Variants in TGFBR3 observed in about 807,000 individuals in gnomAD.
TGFBR3 encodes transforming growth factor beta receptor type 3.
In TGFBR3, 46 loss-of-function variants were observed where a neutral mutation model predicts 87.9. That is an observed-to-expected ratio of 0.52 (90% confidence interval 0.41 to 0.67). The LOEUF is 0.67. Among genes scored for constraint, TGFBR3 ranks in the 30% least tolerant of loss-of-function variants. TGFBR3 has a pLI of 0.00. For missense variants in TGFBR3, 866 were observed against 1,041.9 expected (o/e 0.83, Z 2.32); for synonymous variants, 381 against 391.6 (o/e 0.97, Z 0.32).
At position 91,894,497 on chromosome 1, in the gene TGFBR3, G is replaced by C. The variant is rs1025686080; in HGVS notation, c.-114+5140C>G. ...TTCATCCACAGCTCCTCCTCAATCA[G>C]ATCCAATCAGATCACTTGTCAAGGT... is the stretch of plus-strand genomic sequence containing the variant. On this transcript the variant is annotated intron_variant, in intron 2 of 17. Coordinates refer to the TGFBR3 transcript ENST00000370399. Among the ~76,000 whole-genome samples, 4 of 152,280 alleles carry C rather than the reference G, an allele frequency of 2.6e-5. No individual in the cohort carries two copies. In the South Asian group the frequency reaches 8.3e-4, roughly 32 times the overall value.
chr1:91,884,311 T>C (rs941213153), intron 1 of TGFBR3, among the ~76,000 whole-genome samples: 1 of 147,462 alleles, frequency 6.8e-6, no homozygotes, highest in Non-Finnish European at 1.5e-5. Context: ...AGAGCGAGAC[T>C]CTGTCACCAA....
chr1:91,859,706 G>A (rs1678100138), intron 2 of TGFBR3, among the ~76,000 whole-genome samples: 1 of 151,890 alleles, frequency 6.6e-6, no homozygotes. Context: ...CCAGGAGATC[G>A]AGACCAGCCT....
chr1:91,824,314 C>T (rs1164146495), intron 2 of TGFBR3, among the ~76,000 whole-genome samples: 1 of 152,120 alleles, frequency 6.6e-6, no homozygotes, highest in African/African-American at 2.4e-5. Flanking sequence ...AATATTCACA[C>T]TGCATTAATA....
chr1:91,706,784 C>T (rs1454623995), intron 14 of TGFBR3, among the ~76,000 whole-genome samples: 2 of 152,198 alleles, frequency 1.3e-5, no homozygotes, highest in Admixed American at 6.5e-5. Flanking sequence ...AATTGGGACT[C>T]CTTTCTGGTA....
intron 1 of TGFBR3, among the ~76,000 whole-genome samples, chr1:91,883,471 C>T (rs1174950558): frequency 6.6e-6 from 1 of 152,172 alleles, no homozygotes; most frequent in African/African-American, 2.4e-5. Flanking sequence ...ACTCCAAAAG[C>T]AACTTAGTTA....
intron 1 of TGFBR3, among the ~76,000 whole-genome samples, chr1:91,875,383 A>C (rs979075936): frequency 2.0e-5 from 3 of 152,146 alleles, no homozygotes; most frequent in African/African-American, 4.8e-5. Context: ...ACTGTAACAG[A>C]AAAATCTACA....
At chr1:91,860,292 G>A (rs1436231264) in intron 2 of TGFBR3, among the ~76,000 whole-genome samples, 2 of 152,142 alleles carry the variant, frequency 1.3e-5, no homozygotes, top group Admixed American at 6.5e-5. Context: ...CCCAGTGCCT[G>A]GATATAGTGC....
At position 91,874,272 on chromosome 1, in the gene TGFBR3, A is replaced by G. The variant is rs539156903; in HGVS notation, c.-114+11606T>C. Among the ~76,000 whole-genome samples, 4 of 152,274 alleles carry G rather than the reference A, an allele frequency of 2.6e-5. No individual in the cohort carries two copies. In the South Asian group the frequency reaches 8.3e-4, roughly 32 times the overall value. On this transcript the variant is annotated intron_variant, in intron 1 of 16. Transcript: ENST00000212355. ...CGAATTCTGTAGCTATTTGGGGAAAAACATTCCAAGCAAAGGAAACAGCAC... is the reference window on the plus strand; with the variant it reads ...CGAATTCTGTAGCTATTTGGGGAAAGACATTCCAAGCAAAGGAAACAGCAC...
chr1:91,892,792 T>A (rs1194256677), intron 2 of TGFBR3, among the ~76,000 whole-genome samples: 1 of 152,222 alleles, frequency 6.6e-6, no homozygotes, highest in Non-Finnish European at 1.5e-5. Context: ...TACTTGAAAG[T>A]AATACCAGTT....
At chr1:91,831,448 A>AC (rs1676854466) in intron 2 of TGFBR3, among the ~76,000 whole-genome samples, 2 of 152,050 alleles carry the variant, frequency 1.3e-5, no homozygotes, top group Non-Finnish European at 2.9e-5. Flanking sequence ...AAGGTTTACC[A>AC]TTCCCAGAAA....
At chr1:91,788,976 GT>G (rs1204115533) in intron 3 of TGFBR3, among the ~76,000 whole-genome samples, 1 of 152,156 alleles carries the variant, frequency 6.6e-6, no homozygotes, top group African/African-American at 2.4e-5. Context: ...CACCATACTG[GT>G]TGGAAAATGC....
intron 4 of TGFBR3, among the ~76,000 whole-genome samples, chr1:91,756,290 A>G (rs141528887): frequency 6.6e-6 from 1 of 152,332 alleles, no homozygotes; most frequent in Non-Finnish European, 1.5e-5. Flanking sequence ...AAATGTGCAT[A>G]TGACTTTATG....
rs569545942 is a variant in TGFBR3, at chr1:91,718,191, A to G, written c.1566+1121T>C. Among the ~76,000 whole-genome samples, 7 of 152,326 alleles carry G rather than the reference A, an allele frequency of 4.6e-5. No homozygotes were observed. The South Asian group carries it at 1.4e-3, about 32-fold the overall frequency. ...TGCCATTAGCCCATCCCTGGAGTTT[A>G]AAAAAGCAAGTCTTTTTAACTTCTT... is the stretch of plus-strand genomic sequence containing the variant. On this transcript the variant is annotated intron_variant, in intron 10 of 16. Transcript: ENST00000212355.
chr1:91,873,282 C>CTTT lies in TGFBR3; in HGVS notation c.-113-11641_-113-11639dup, dbSNP rs34364302. ...CATCACACCTGGCCAATTTTCCCTT[C>CTTT]TTTTTTTTTTTTTTTTTTTTGAGAT... On this transcript the variant is annotated intron_variant, in intron 1 of 16. Coordinates refer to ENST00000212355, the MANE Select transcript of TGFBR3 (RefSeq NM_003243.5). Among the ~76,000 whole-genome samples the CTTT allele has an allele frequency of 1.2e-3, 117 of 100,912 alleles. 4 individuals are homozygous for CTTT. Among genetic ancestry groups the CTTT allele is most frequent in the Middle Eastern group, 6.0e-3 (1 of 168 alleles). The allele number at this position is 100,912 out of a possible 152,430, so 66.2% of individuals were successfully genotyped here. A position where few individuals can be genotyped will look rare whatever the true frequency, so the allele number is the denominator to read the frequency against.
rs933456979 is a variant in TGFBR3 at position 91,766,742 on chromosome 1, C to T, written c.247-7992G>A. Among the ~76,000 whole-genome samples the T allele has an allele frequency of 5.2e-5, 7 of 133,340 alleles. 1 individual carries two copies. Among genetic ancestry groups the T allele is most frequent in the Non-Finnish European group, 9.9e-5 (6 of 60,826 alleles). 87.5% of individuals were successfully genotyped at this position (133,340 alleles called of 152,430 possible). A position where few individuals can be genotyped will look rare whatever the true frequency, so the allele number is the denominator to read the frequency against. On this transcript the variant is annotated intron_variant, in intron 3 of 16. Coordinates refer to ENST00000212355, the MANE Select transcript of TGFBR3 (RefSeq NM_003243.5). ...TCTCACCATTTGCATCCCCATTGCT[C>T]CTATAGATAGATAGGATGTCTGATG...
intron 2 of TGFBR3, among the ~76,000 whole-genome samples, chr1:91,853,733 G>T (rs1481662357): frequency 1.3e-5 from 2 of 152,180 alleles, no homozygotes; most frequent in African/African-American, 4.8e-5. Context: ...CAAACTCATG[G>T]CCGGGAGCGG....
At position 91,754,455 on chromosome 1, in the gene TGFBR3, C is replaced by T. The variant is rs144061055; in HGVS notation, c.384+4158G>A. Among the ~76,000 whole-genome samples, 25 of 152,228 alleles carry T rather than the reference C, an allele frequency of 1.6e-4. No individual in the cohort carries two copies. In the East Asian group the frequency reaches 4.1e-3, roughly 25 times the overall value. Reference sequence around the variant, plus strand: ...CTATAAGATTATTACAACTTCATCACGTGTGTGTGTGACTCACACTCAAAG... The same window carrying T: ...CTATAAGATTATTACAACTTCATCATGTGTGTGTGTGACTCACACTCAAAG... On this transcript the variant is annotated intron_variant, in intron 4 of 16. Coordinates refer to ENST00000212355, the MANE Select transcript of TGFBR3 (RefSeq NM_003243.5).
At chr1:91,895,293 C>T (rs72716484) in intron 2 of TGFBR3, among the ~76,000 whole-genome samples, 11,742 of 152,094 alleles carry the variant, frequency 0.077, 484 homozygotes, top group Middle Eastern at 0.12. Context: ...TAAAAGTGTG[C>T]AGCATCTCTC....
intron 2 of TGFBR3, among the ~76,000 whole-genome samples, chr1:91,810,579 G>A (rs1045047751): frequency 2.6e-5 from 4 of 152,090 alleles, no homozygotes; most frequent in Non-Finnish European, 5.9e-5. Flanking sequence ...CCTGGCATGC[G>A]GCACGTGTTC....
Sources: allele counts gnomAD v4.1 joint callset (sites outside exome capture counted in the v4.1 genomes callset), GRCh38; gene constraint gnomAD v4.1.1; transcripts MANE v1.5; gene names NCBI Gene and HGNC (gene_info 2026-07-23, HGNC 2026-07-21).